Variants in MPP7 observed in about 807,000 individuals in gnomAD.
The protein encoded by MPP7 is MAGUK p55 subfamily member 7.
A neutral mutation model predicts 76.5 loss-of-function variants in MPP7; 60 were observed. The observed-to-expected ratio is 0.78, with a 90% CI of 0.64 to 0.97. MPP7 has a LOEUF of 0.97. Ranked by LOEUF, MPP7 falls within the 50% of genes least tolerant of loss-of-function variation. The pLI is 0.00. For missense variants in MPP7, 641 were observed against 694.0 expected, an observed-to-expected ratio of 0.92 and a Z score of 0.86; for synonymous variants, 237 against 244.5, an observed-to-expected ratio of 0.97 and a Z score of 0.29.
At chr10:28,234,916 T>C (rs1250033050) in intron 2 of MPP7, among the ~76,000 whole-genome samples, 1 of 152,214 alleles carries the variant, frequency 6.6e-6, no homozygotes, top group African/African-American at 2.4e-5. Context: ...GCTCAGGTGA[T>C]CCTCCCACCT....
intron 1 of MPP7, among the ~76,000 whole-genome samples, chr10:28,275,341 G>A (rs897692761): frequency 6.6e-5 from 10 of 151,764 alleles, no homozygotes; most frequent in Non-Finnish European, 1.5e-4. Flanking sequence ...TAGATGTGCT[G>A]TTGAGTCCTA....
chr10:28,172,199 A>G (rs1448369584), intron 3 of MPP7, among the ~76,000 whole-genome samples: 5 of 152,242 alleles, frequency 3.3e-5, no homozygotes, highest in African/African-American at 1.2e-4. Flanking sequence ...TTTCAAGAGG[A>G]TATTTTACTA....
At chr10:28,176,882 TG>T (rs1168146184) in intron 3 of MPP7, among the ~76,000 whole-genome samples, 1 of 5,178 alleles carries the variant, frequency 1.9e-4, no homozygotes, top group African/African-American at 8.8e-4. Context: ...TGTCGTGGGG[TG>T]GGGGGGTGGG....
chr10:28,242,553 C>T (rs1032000531), intron 1 of MPP7, among the ~76,000 whole-genome samples: 1 of 152,184 alleles, frequency 6.6e-6, no homozygotes, highest in African/African-American at 2.4e-5. Context: ...ACCTTTTATA[C>T]CAGCCATTCT....
At chr10:28,149,959 T>A (rs1461192058) in intron 4 of MPP7, 23 bp downstream of exon 4, 2 of 1,606,200 alleles carry the variant, frequency 1.2e-6, no homozygotes, top group Admixed American at 1.7e-5. Context: ...CACATCCCAG[T>A]GAGCTCGGAG....
intron 3 of MPP7, among the ~76,000 whole-genome samples, chr10:28,159,622 C>A (rs1417515148): frequency 2.0e-5 from 3 of 152,110 alleles, no homozygotes; most frequent in Non-Finnish European, 4.4e-5. Context: ...CACAGACTTG[C>A]AGTTGGAAGA....
intron 2 of MPP7, among the ~76,000 whole-genome samples, chr10:28,209,796 C>G (rs186825391): frequency 2.2e-4 from 33 of 152,286 alleles, no homozygotes; most frequent in African/African-American, 7.9e-4. Context: ...GTTAATTTGA[C>G]TGAGCTAAGA....
intron 2 of MPP7, among the ~76,000 whole-genome samples, chr10:28,218,230 G>A (rs926162028): frequency 1.1e-4 from 16 of 152,182 alleles, no homozygotes; most frequent in Non-Finnish European, 1.6e-4. Flanking sequence ...ACGCTGGAAA[G>A]GAGTCGGGGG....
intron 5 of MPP7, among the ~76,000 whole-genome samples, chr10:28,142,844 G>C (rs915370557): frequency 1.3e-5 from 2 of 152,154 alleles, no homozygotes; most frequent in African/African-American, 2.4e-5. Flanking sequence ...TGCTCGAGAA[G>C]GTCTGTCTTA....
At chr10:28,174,798 T>C (rs1275479600) in intron 3 of MPP7, among the ~76,000 whole-genome samples, 1 of 152,236 alleles carries the variant, frequency 6.6e-6, no homozygotes, top group East Asian at 1.9e-4. Context: ...AGCAGTGGCA[T>C]TACCAAAGTG....
chr10:28,243,758 T>C lies in MPP7; in HGVS notation c.-131-5023A>G, dbSNP rs556702587. Among the ~76,000 whole-genome samples the C allele has an allele frequency of 2.6e-5, 4 of 152,216 alleles. No homozygotes were observed. In the East Asian group the frequency reaches 7.7e-4, roughly 29 times the overall value. ...GGAACATACAGCAACAAAATGAAAG[T>C]AGACACAGATACAAAAATATAAAGG... On this transcript the variant is annotated intron_variant, in intron 1 of 16. Transcript: ENST00000683449.
chr10:28,248,096 C>A (rs984829146), intron 1 of MPP7, among the ~76,000 whole-genome samples: 1 of 152,094 alleles, frequency 6.6e-6, no homozygotes, highest in Admixed American at 6.6e-5. Flanking sequence ...AAGTAACATG[C>A]CAGTCATTGT....
intron 1 of MPP7, among the ~76,000 whole-genome samples, chr10:28,253,648 C>T (rs1370118084): frequency 6.6e-6 from 1 of 152,090 alleles, no homozygotes; most frequent in East Asian, 1.9e-4. Flanking sequence ...ACAAGGACAA[C>T]CAAGTAATTG....
At chr10:28,244,803 C>A (rs1839379493) in intron 1 of MPP7, among the ~76,000 whole-genome samples, 2 of 152,118 alleles carry the variant, frequency 1.3e-5, no homozygotes, top group Admixed American at 6.6e-5. Flanking sequence ...AACCACAAGA[C>A]CCTTAGGGAC....
At chr10:28,207,218 T>G (rs1837976986) in intron 2 of MPP7, among the ~76,000 whole-genome samples, 1 of 152,146 alleles carries the variant, frequency 6.6e-6, no homozygotes, top group African/African-American at 2.4e-5. Context: ...GTGAAGCATT[T>G]CAATAAAATT....
chr10:28,111,287 T>C (rs990183958), intron 11 of MPP7, among the ~76,000 whole-genome samples: 1 of 152,200 alleles, frequency 6.6e-6, no homozygotes, highest in Non-Finnish European at 1.5e-5. Flanking sequence ...TTTAAATGTT[T>C]CAAAATTATC....
chr10:28,127,826 G>A lies in MPP7; in HGVS notation c.448-2735C>T, dbSNP rs964985426. ...AGAAGACCAGGATGCCAGGGCAGGC[G>A]GAGGAAAGACAATGTGAAGACACAG... On this transcript the variant is annotated intron_variant, in intron 6 of 16. Coordinates refer to ENST00000683449, the MANE Select transcript of MPP7 (RefSeq NM_001318170.2). Among the ~76,000 whole-genome samples the A allele has an allele frequency of 2.4e-4, 37 of 152,274 alleles. No homozygotes were observed. The East Asian group carries it at 2.5e-3, about 10-fold the overall frequency.
chr10:28,260,867 G>A (rs1839929214), intron 1 of MPP7, among the ~76,000 whole-genome samples: 1 of 151,518 alleles, frequency 6.6e-6, no homozygotes, highest in South Asian at 2.1e-4. Context: ...TCTACATGAT[G>A]CATTTCAACT....
At chr10:28,116,664 T>C (rs1834671902) in intron 11 of MPP7, among the ~76,000 whole-genome samples, 1 of 152,044 alleles carries the variant, frequency 6.6e-6, no homozygotes, top group East Asian at 1.9e-4. Context: ...TTCCAAAAAA[T>C]AGGGGGAGGA....
Sources: gnomAD v4.1 joint callset for allele counts (sites outside exome capture counted in the v4.1 genomes callset) on GRCh38, gnomAD v4.1.1 for gene constraint, MANE v1.5 for transcripts, NCBI Gene and HGNC (gene_info 2026-07-23, HGNC 2026-07-21) for gene names.